The following CTNND2 variants were observed in gnomAD, a reference collection of about 807,000 sequenced individuals.
CTNND2 encodes the protein catenin delta 2.
In CTNND2, 22 loss-of-function variants were observed where a neutral mutation model predicts 144.4. The ratio of observed to expected loss-of-function variants is 0.15; its 90% CI spans 0.11 to 0.22. The LOEUF is 0.22. Among genes scored for constraint, CTNND2 ranks in the 10% least tolerant of loss-of-function variants. The probability of loss-of-function intolerance (pLI) is 1.00; values close to 1 mark genes in which losing one functional copy is unlikely to be tolerated. For missense variants in CTNND2, 1,353 were observed against 1,618.8 expected (o/e 0.84, Z 2.82); for synonymous variants, 751 against 695.6 (o/e 1.08, Z -1.25).
chr5:11,071,325 G>A (rs1181104608), intron 16 of CTNND2, among the ~76,000 whole-genome samples: 1 of 152,128 alleles, frequency 6.6e-6, no homozygotes, highest in African/African-American at 2.4e-5. Flanking sequence ...ATGGCTTAAG[G>A]CCGGGAGTTC....
intron 2 of CTNND2, among the ~76,000 whole-genome samples, chr5:11,584,230 T>G (rs2190989): frequency 1.1e-4 from 17 of 151,972 alleles, no homozygotes; most frequent in African/African-American, 4.1e-4. Context: ...ATGCAATAAA[T>G]AACCATCTTC....
chr5:11,135,704 C>T (rs1291619709), intron 12 of CTNND2, among the ~76,000 whole-genome samples: 4 of 152,152 alleles, frequency 2.6e-5, no homozygotes, highest in African/African-American at 9.7e-5. Flanking sequence ...TCGCTGAAGT[C>T]TCTGAGTAGT....
intron 3 of CTNND2, among the ~76,000 whole-genome samples, chr5:11,418,134 T>C (rs1370735176): frequency 6.6e-6 from 1 of 152,154 alleles, no homozygotes; most frequent in Middle Eastern, 3.4e-3. Flanking sequence ...GGGCCGGGCG[T>C]GGTGGCTCAC....
chr5:11,595,705 T>C (rs1231814294), intron 2 of CTNND2, among the ~76,000 whole-genome samples: 2 of 152,204 alleles, frequency 1.3e-5, no homozygotes, highest in African/African-American at 4.8e-5. Context: ...ATACCTGATG[T>C]TGTAAATTAT....
At chr5:11,531,589 G>A (rs1031731102) in intron 3 of CTNND2, among the ~76,000 whole-genome samples, 3 of 152,074 alleles carry the variant, frequency 2.0e-5, no homozygotes, top group African/African-American at 7.2e-5. Context: ...TCATGCCACT[G>A]TACTCCAGCC....
chr5:11,096,951 G>T (rs1186214594), intron 15 of CTNND2, among the ~76,000 whole-genome samples: 1 of 152,174 alleles, frequency 6.6e-6, no homozygotes, highest in Non-Finnish European at 1.5e-5. Flanking sequence ...AGGCAGGGGA[G>T]CTGGGTAGGG....
intron 2 of CTNND2, among the ~76,000 whole-genome samples, chr5:11,704,355 T>C (rs534897380): frequency 5.3e-5 from 8 of 152,322 alleles, no homozygotes; most frequent in African/African-American, 1.9e-4. Context: ...AAGTAACACA[T>C]ACCATTTTTC....
At chr5:11,103,848 A>T (rs949609620) in intron 14 of CTNND2, among the ~76,000 whole-genome samples, 1 of 152,232 alleles carries the variant, frequency 6.6e-6, no homozygotes, top group Non-Finnish European at 1.5e-5. Flanking sequence ...ACAATTTACA[A>T]GACTCTTCTC....
chr5:11,824,002 A>G (rs1240736337), intron 1 of CTNND2, among the ~76,000 whole-genome samples: 3 of 148,568 alleles, frequency 2.0e-5, no homozygotes, highest in African/African-American at 5.0e-5. Flanking sequence ...CCAGCTACTC[A>G]GGAGGTAGGG....
At chr5:11,226,331 C>A (rs557655017) in intron 10 of CTNND2, among the ~76,000 whole-genome samples, 4 of 152,178 alleles carry the variant, frequency 2.6e-5, no homozygotes, top group Admixed American at 2.6e-4. Flanking sequence ...CTCTCTTCAC[C>A]CACTCCTTAT....
At chr5:11,166,506 C>T (rs1759345417) in intron 11 of CTNND2, among the ~76,000 whole-genome samples, 1 of 151,884 alleles carries the variant, frequency 6.6e-6, no homozygotes, top group African/African-American at 2.4e-5. Context: ...GCTTTGGCCT[C>T]CCAAAGTGCT....
At chr5:11,303,324 C>T in intron 9 of CTNND2, among the ~76,000 whole-genome samples, 1 of 152,204 alleles carries the variant, frequency 6.6e-6, no homozygotes, top group Non-Finnish European at 1.5e-5. Flanking sequence ...ATGGAACTCA[C>T]AAGGGGCAGC....
chr5:11,477,898 G>A (rs1767908698), intron 3 of CTNND2, among the ~76,000 whole-genome samples: 1 of 152,158 alleles, frequency 6.6e-6, no homozygotes, highest in Non-Finnish European at 1.5e-5. Flanking sequence ...CCTGTACTGC[G>A]TATCTGATTT....
intron 1 of CTNND2, among the ~76,000 whole-genome samples, chr5:11,794,466 G>C (rs183257111): frequency 1.3e-5 from 2 of 152,314 alleles, no homozygotes; most frequent in East Asian, 3.9e-4. Context: ...AGATCAATGA[G>C]AGCGCACCAG....
intron 1 of CTNND2, among the ~76,000 whole-genome samples, chr5:11,817,599 C>A (rs1793059902): frequency 1.3e-5 from 2 of 151,892 alleles, no homozygotes; most frequent in South Asian, 4.1e-4. Context: ...CTTTGCGGGG[C>A]AGCTGTGGTG....
At chr5:11,741,121 G>A (rs995096200) in intron 1 of CTNND2, among the ~76,000 whole-genome samples, 5 of 152,202 alleles carry the variant, frequency 3.3e-5, no homozygotes, top group Non-Finnish European at 5.9e-5. Context: ...CTGTTGGTGG[G>A]AGTGTAAATT....
At chr5:11,696,999 G>C (rs1432205981) in intron 2 of CTNND2, among the ~76,000 whole-genome samples, 1 of 145,832 alleles carries the variant, frequency 6.9e-6, no homozygotes, top group Non-Finnish European at 1.5e-5. Context: ...TTCAGAAAAA[G>C]TTTCAAAATG....
intron 1 of CTNND2, among the ~76,000 whole-genome samples, chr5:11,838,297 G>A (rs910046092): frequency 1.3e-5 from 2 of 152,070 alleles, no homozygotes; most frequent in African/African-American, 2.4e-5. Context: ...TCCCAGCTCT[G>A]CGTTTTTAGA....
chr5:11,162,694 T>G (rs1474974888), intron 11 of CTNND2, among the ~76,000 whole-genome samples: 1 of 147,608 alleles, frequency 6.8e-6, no homozygotes, highest in Non-Finnish European at 1.5e-5. Context: ...CGCGGCAGAT[T>G]TTCTTGAGGG....
Sources: allele counts gnomAD v4.1 joint callset (sites outside exome capture counted in the v4.1 genomes callset), GRCh38; gene constraint gnomAD v4.1.1; transcripts MANE v1.5; gene names NCBI Gene and HGNC (gene_info 2026-07-23, HGNC 2026-07-21).